DNAH14: variants seen among roughly 807,000 people sequenced by gnomAD.
The protein encoded by DNAH14 is dynein axonemal heavy chain 14.
A neutral mutation model predicts 520.9 loss-of-function variants in DNAH14; 478 were observed. That is an observed-to-expected ratio of 0.92 (90% CI 0.85 to 0.99). The LOEUF (loss-of-function observed/expected upper bound fraction) is 0.99. Among genes scored for constraint, DNAH14 ranks in the 50% least tolerant of loss-of-function variants. The probability of loss-of-function intolerance (pLI) is 0.00; values close to 1 mark genes in which losing one functional copy is unlikely to be tolerated. For missense variants in DNAH14, 4,831 were observed against 5,234.5 expected (o/e 0.92, Z 2.38); for synonymous variants, 1,581 against 1,757.2 (o/e 0.90, Z 2.51).
intron 64 of DNAH14, among the ~76,000 whole-genome samples, chr1:225,325,157 C>CTT (rs34311017): frequency 5.5e-5 from 8 of 145,048 alleles, no homozygotes; most frequent in Non-Finnish European, 9.1e-5. Flanking sequence ...AATCTGTGCT[C>CTT]TTTTTTTTTT....
chr1:225,046,312 AC>A (rs1312182723), intron 15 of DNAH14, among the ~76,000 whole-genome samples: 1 of 152,142 alleles, frequency 6.6e-6, no homozygotes, highest in Non-Finnish European at 1.5e-5. Context: ...CATAGACATT[AC>A]AAAGGTATTT....
chr1:225,085,976 G>A (rs1435976178), intron 21 of DNAH14, among the ~76,000 whole-genome samples, 187 bp downstream of exon 21: 1 of 151,964 alleles, frequency 6.6e-6, no homozygotes, highest in African/African-American at 2.4e-5. Flanking sequence ...AATTGTTCAT[G>A]AGAAAATGTC....
chr1:225,324,193 A>G, intron 62 of DNAH14, 29 bp from the exon 63 acceptor site: 3 of 1,549,488 alleles, frequency 1.9e-6, no homozygotes, highest in Non-Finnish European at 2.6e-6. Context: ...TTTCTTTCTC[A>G]TGTAATACAT....
intron 17 of DNAH14, among the ~76,000 whole-genome samples, chr1:225,069,081 C>CA (rs1272032625): frequency 0.019 from 52 of 2,698 alleles, 14 homozygotes; most frequent in South Asian, 0.048. Flanking sequence ...GACTCCGTCT[C>CA]AAAAAAAAAA....
intron 8 of DNAH14, among the ~76,000 whole-genome samples, chr1:224,974,373 G>A (rs2061676270): frequency 6.6e-6 from 1 of 152,166 alleles, no homozygotes; most frequent in African/African-American, 2.4e-5. Context: ...AAACCTTGAT[G>A]AGTTCCCTTG....
chr1:225,261,045 G>T (rs937878080), intron 46 of DNAH14, among the ~76,000 whole-genome samples: 1 of 152,118 alleles, frequency 6.6e-6, no homozygotes, highest in East Asian at 1.9e-4. Flanking sequence ...TTTTTTGGTG[G>T]CATCTTTAGG....
At chr1:225,200,575 G>A (rs2149394254) in intron 38 of DNAH14, among the ~76,000 whole-genome samples, 1 of 152,154 alleles carries the variant, frequency 6.6e-6, no homozygotes, top group East Asian at 1.9e-4. Context: ...GTCTGTATCT[G>A]CATTTGTTTG....
chr1:225,375,167 G>A (rs1328663500), intron 78 of DNAH14, among the ~76,000 whole-genome samples: 1 of 152,042 alleles, frequency 6.6e-6, no homozygotes, highest in African/African-American at 2.4e-5. Flanking sequence ...ACGATTCCAT[G>A]CCAGTCACTT....
At chr1:224,938,337 TAACTC>T (rs142129857) in intron 1 of DNAH14, among the ~76,000 whole-genome samples, 14,456 of 151,876 alleles carry the variant, frequency 0.095, 2,192 homozygotes, top group African/African-American at 0.33. Context: ...GGAGCTCAAA[TAACTC>T]AATAGCGAAA....
At chr1:225,274,197 A>ATTTTTTTTTTTTTTTTTT (rs869247051) in intron 52 of DNAH14, among the ~76,000 whole-genome samples, 12 of 92,882 alleles carry the variant, frequency 1.3e-4, no homozygotes, top group South Asian at 3.8e-4. Context: ...AGCATCTGTT[A>ATTTTTTTTTTTTTTTTTT]TTTTTTTTTT....
At chr1:225,358,739 A>G in intron 74 of DNAH14, 87 bp downstream of exon 74, 8 of 1,374,872 alleles carry the variant, frequency 5.8e-6, no homozygotes, top group Non-Finnish European at 7.9e-6. Flanking sequence ...TAATCCCCAT[A>G]ATCCCCACAT....
intron 76 of DNAH14, among the ~76,000 whole-genome samples, chr1:225,365,134 C>T (rs2095537112): frequency 6.6e-6 from 1 of 152,134 alleles, no homozygotes; most frequent in Non-Finnish European, 1.5e-5. Flanking sequence ...TGTTAGACCT[C>T]CAATTATTAT....
intron 17 of DNAH14, among the ~76,000 whole-genome samples, chr1:225,071,108 A>G (rs1352975474): frequency 6.6e-6 from 1 of 152,154 alleles, no homozygotes; most frequent in Non-Finnish European, 1.5e-5. Context: ...AAGACAGCAT[A>G]CCAATGGGTC....
intron 79 of DNAH14, among the ~76,000 whole-genome samples, chr1:225,379,640 G>T (rs1282752361): frequency 1.3e-5 from 2 of 151,950 alleles, no homozygotes; most frequent in African/African-American, 4.8e-5. Flanking sequence ...TGATTCTCGT[G>T]CCTCAGCCTC....
rs2150494373 is a variant in DNAH14 at position 225,354,102 on chromosome 1, C to T, written c.11619+214C>T. On this transcript the variant is annotated intron_variant, in intron 73 of 85. Coordinates refer to ENST00000682510, the MANE Select transcript of DNAH14 (RefSeq NM_001367479.1). The stretch of plus-strand genomic sequence containing the variant: ...AGTAACATTCCTGGAGTCCCTCTGT[C>T]CCCTCATTTATTCTCCCCCAGAAAG... The T allele has an allele frequency of 9.9e-6, 7 of 704,276 alleles. No homozygotes were observed. In the Admixed American group the frequency reaches 1.4e-4, roughly 14 times the overall value. The allele number at this position is 704,276 out of a possible 1,614,324, so 43.6% of individuals were successfully genotyped here. A position where few individuals can be genotyped will look rare whatever the true frequency, so the allele number is the denominator to read the frequency against.
chr1:225,397,181 G>A (rs910898448), intron 84 of DNAH14: 2 of 152,196 alleles, frequency 1.3e-5, no homozygotes, highest in Admixed American at 1.3e-4. Flanking sequence ...GTTTCACCGT[G>A]TTAGCCAGGA....
intron 11 of DNAH14, among the ~76,000 whole-genome samples, chr1:225,025,174 C>CA (rs1048049119): frequency 7.2e-5 from 11 of 151,766 alleles, no homozygotes; most frequent in Non-Finnish European, 1.5e-4. Flanking sequence ...CCTGTCTCCA[C>CA]AAAAAATACA....
intron 41 of DNAH14, among the ~76,000 whole-genome samples, chr1:225,214,150 T>C (rs897337061): frequency 5.3e-5 from 8 of 152,092 alleles, no homozygotes; most frequent in East Asian, 1.9e-4. Flanking sequence ...GCCTTTTCTG[T>C]ATCTATTGAG....
rs2075989855 is a variant in DNAH14, at chr1:225,105,755, C to A, written c.3867+4871C>A. ...ATTTGCTTGGTAGATCTTCCTCCATCCCTTTATTTTGAGCCTATGTGTGTC... is the reference window on the plus strand; with the variant it reads ...ATTTGCTTGGTAGATCTTCCTCCATACCTTTATTTTGAGCCTATGTGTGTC... On this transcript the variant is annotated intron_variant, in intron 23 of 85. Coordinates refer to ENST00000682510, the MANE Select transcript of DNAH14 (RefSeq NM_001367479.1). Among the ~76,000 whole-genome samples, 6 of 152,162 alleles carry A rather than the reference C, an allele frequency of 3.9e-5. No homozygotes were observed. In the South Asian group the frequency reaches 1.2e-3, roughly 32 times the overall value.
Sources: allele counts gnomAD v4.1 joint callset (sites outside exome capture counted in the v4.1 genomes callset), GRCh38; gene constraint gnomAD v4.1.1; transcripts MANE v1.5; gene names NCBI Gene and HGNC (gene_info 2026-07-23, HGNC 2026-07-21).